Variants in RALYL observed in about 807,000 individuals in gnomAD.
RALYL encodes RALY RNA binding protein like.
RALYL carries 29 observed loss-of-function variants against 35.1 expected under a neutral mutation model. That is an observed-to-expected ratio of 0.83 (90% CI 0.61 to 1.13). The LOEUF is 1.13. Ranked by LOEUF, RALYL falls within the 50% of genes most tolerant of loss-of-function variation. The probability of loss-of-function intolerance (pLI) is 0.00; values close to 1 mark genes in which losing one functional copy is unlikely to be tolerated. For missense variants in RALYL, 359 were observed against 360.4 expected, an observed-to-expected ratio of 1.00 and a Z score of 0.03; for synonymous variants, 120 against 127.6, an observed-to-expected ratio of 0.94 and a Z score of 0.40.
chr8:84,580,878 C>T (rs956388422), intron 2 of RALYL, among the ~76,000 whole-genome samples: 3 of 152,074 alleles, frequency 2.0e-5, no homozygotes, highest in Non-Finnish European at 4.4e-5. Context: ...GTTTCTGCTC[C>T]ACAGGTTCTA....
chr8:84,725,450 G>A (rs1034883917), intron 2 of RALYL, among the ~76,000 whole-genome samples: 8 of 151,720 alleles, frequency 5.3e-5, no homozygotes, highest in Admixed American at 3.3e-4. Context: ...ATAATATTGG[G>A]ATGGACTACT....
At chr8:84,575,961 CA>C (rs201624374) in intron 2 of RALYL, among the ~76,000 whole-genome samples, 3,448 of 77,742 alleles carry the variant, frequency 0.044, 47 homozygotes, top group East Asian at 0.096. Context: ...GATTTTGTCT[CA>C]AAAAAAAAAA....
At chr8:84,752,182 T>C (rs1390675069) in intron 2 of RALYL, among the ~76,000 whole-genome samples, 3 of 152,206 alleles carry the variant, frequency 2.0e-5, no homozygotes, top group East Asian at 3.9e-4. Context: ...ACTCTTGTTA[T>C]GTATTAGCAA....
At chr8:84,869,843 T>C (rs1317697337) in intron 6 of RALYL, among the ~76,000 whole-genome samples, 1 of 152,202 alleles carries the variant, frequency 6.6e-6, no homozygotes. Flanking sequence ...GATTTTTATA[T>C]AGACAGATGA....
chr8:84,875,781 G>T (rs553902478), intron 7 of RALYL, among the ~76,000 whole-genome samples: 21 of 152,224 alleles, frequency 1.4e-4, no homozygotes, highest in African/African-American at 4.3e-4. Flanking sequence ...AATGCTCAGT[G>T]GCTCCTTATT....
intron 1 of RALYL, among the ~76,000 whole-genome samples, chr8:84,462,082 C>T (rs950493228): frequency 6.6e-6 from 1 of 151,578 alleles, no homozygotes; most frequent in African/African-American, 2.4e-5. Flanking sequence ...CTCCTGTAGT[C>T]ATACTTCCGT....
chr8:84,688,171 G>A (rs1243314796), intron 2 of RALYL, among the ~76,000 whole-genome samples: 1 of 151,108 alleles, frequency 6.6e-6, no homozygotes, highest in East Asian at 1.9e-4. Flanking sequence ...AAACAATGCT[G>A]GATAAGACTT....
intron 1 of RALYL, among the ~76,000 whole-genome samples, chr8:84,499,500 A>G (rs1179465295): frequency 6.6e-6 from 1 of 152,168 alleles, no homozygotes; most frequent in Non-Finnish European, 1.5e-5. Context: ...GTCATTTAAC[A>G]AGTTAAGCAG....
At chr8:84,456,685 A>G (rs2050177261) in intron 1 of RALYL, among the ~76,000 whole-genome samples, 1 of 152,070 alleles carries the variant, frequency 6.6e-6, no homozygotes, top group African/African-American at 2.4e-5. Context: ...AGAATAAGAT[A>G]CATTCTGAAT....
At chr8:84,571,353 G>A (rs2135786762) in intron 2 of RALYL, among the ~76,000 whole-genome samples, 1 of 151,812 alleles carries the variant, frequency 6.6e-6, no homozygotes, top group Non-Finnish European at 1.5e-5. Context: ...CTGGTTGTAA[G>A]TTTTTAGAAA....
chr8:84,302,566 G>A (rs1841012494), intron 1 of RALYL, among the ~76,000 whole-genome samples: 1 of 152,184 alleles, frequency 6.6e-6, no homozygotes, highest in African/African-American at 2.4e-5. Context: ...GATTGCTGTA[G>A]TGCCGAAGAG....
chr8:84,781,616 A>G (rs1051969540), intron 3 of RALYL, among the ~76,000 whole-genome samples: 1 of 152,238 alleles, frequency 6.6e-6, no homozygotes, highest in Non-Finnish European at 1.5e-5. Flanking sequence ...GGTTTGACAT[A>G]GTTTATGATA....
chr8:84,874,657 T>C (rs1191816371), intron 7 of RALYL, among the ~76,000 whole-genome samples: 1 of 152,170 alleles, frequency 6.6e-6, no homozygotes, highest in Non-Finnish European at 1.5e-5. Context: ...CATACAGGGC[T>C]CAAGAATGAA....
At chr8:84,610,743 T>G (rs1004173735) in intron 2 of RALYL, among the ~76,000 whole-genome samples, 4 of 152,102 alleles carry the variant, frequency 2.6e-5, no homozygotes, top group African/African-American at 7.2e-5. Flanking sequence ...TGATGGGTAT[T>G]TGTTTTATTT....
intron 1 of RALYL, chr8:84,346,022 G>T: frequency 1.1e-6 from 1 of 898,572 alleles, no homozygotes; most frequent in Non-Finnish European, 1.3e-6. Context: ...TAACTTGTAT[G>T]CATTTCTCTT....
rs1039824542 is a variant in RALYL at position 84,376,520 on chromosome 8, G to A, written c.-23-152779G>A. ...GGGTAAGAGAAAGACAGAAATCTGT[G>A]TTATGGGAGGCTAGCAAGTATAAGG... On this transcript the variant is annotated intron_variant, in intron 1 of 8. Coordinates refer to ENST00000521268, the MANE Select transcript of RALYL (RefSeq NM_173848.7). Among the ~76,000 whole-genome samples the A allele has an allele frequency of 6.6e-5, 10 of 151,936 alleles. No individual in the cohort carries two copies. In the South Asian group the frequency reaches 2.1e-3, roughly 31 times the overall value.
chr8:84,562,567 A>C (rs139495773), intron 2 of RALYL, among the ~76,000 whole-genome samples: 2,732 of 152,008 alleles, frequency 0.018, 81 homozygotes, highest in Non-Finnish European at 0.022. Flanking sequence ...GTATGGGAAA[A>C]GATTCCTAAA....
At chr8:84,368,605 G>A (rs914831330) in intron 1 of RALYL, among the ~76,000 whole-genome samples, 4 of 152,132 alleles carry the variant, frequency 2.6e-5, no homozygotes, top group African/African-American at 7.2e-5. Flanking sequence ...TGAAAGGCAC[G>A]TCTCACGTGG....
chr8:84,283,666 T>A (rs756468834), intron 1 of RALYL, among the ~76,000 whole-genome samples: 132 of 152,272 alleles, frequency 8.7e-4, no homozygotes, highest in Non-Finnish European at 1.5e-3. Context: ...TCTGGCCACA[T>A]TTAGTTGGGT....
Sources: gnomAD v4.1 joint callset for allele counts (sites outside exome capture counted in the v4.1 genomes callset) on GRCh38, gnomAD v4.1.1 for gene constraint, MANE v1.5 for transcripts, NCBI Gene and HGNC (gene_info 2026-07-23, HGNC 2026-07-21) for gene names.